Variants in PCMTD1 observed in about 807,000 individuals in gnomAD.
PCMTD1 encodes protein-L-isoaspartate (D-aspartate) O-methyltransferase domain containing 1.
PCMTD1 carries 12 observed loss-of-function variants against 37.6 expected under a neutral mutation model. That is an observed-to-expected ratio of 0.32 (90% CI 0.20 to 0.52). PCMTD1 has a LOEUF of 0.52. PCMTD1 is among the 20% of genes least tolerant of loss of function. The pLI, the probability that PCMTD1 is intolerant of heterozygous loss-of-function variation, is 0.97. For missense variants in PCMTD1, 235 were observed against 421.3 expected (o/e 0.56, Z 3.87); for synonymous variants, 117 against 135.8 (o/e 0.86, Z 0.96).
At chr8:51,847,186 AAAT>A (rs758161964) in intron 2 of PCMTD1, among the ~76,000 whole-genome samples, 2 of 152,256 alleles carry the variant, frequency 1.3e-5, no homozygotes, top group African/African-American at 2.4e-5. Flanking sequence ...TTTATATTCA[AAAT>A]AATAAAGCAG....
chr8:51,825,992 G>T (rs1272046950), intron 5 of PCMTD1, among the ~76,000 whole-genome samples: 1 of 152,122 alleles, frequency 6.6e-6, no homozygotes, highest in African/African-American at 2.4e-5. Flanking sequence ...AATAACATTT[G>T]ACCCAGCAAT....
Position 51,852,174 on chromosome 8 carries a change from G to A in PCMTD1, c.308-6411C>T, listed in dbSNP as rs118148950. On this transcript the variant is annotated intron_variant, in intron 2 of 5. Transcript: ENST00000522514. ...CAGAAGCATCATGCACAATTTCAAG[G>A]GTAGGAGATGTGTCTTGAACACTTC... Among the ~76,000 whole-genome samples the A allele has an allele frequency of 2.0e-5, 3 of 152,230 alleles. No homozygotes were observed. The East Asian group carries it at 5.8e-4, about 29-fold the overall frequency.
intron 1 of PCMTD1, among the ~76,000 whole-genome samples, chr8:51,886,360 TTTAA>T (rs1447114052): frequency 6.6e-6 from 1 of 152,230 alleles, no homozygotes; most frequent in Non-Finnish European, 1.5e-5. Flanking sequence ...CCAGCTACTC[TTTAA>T]TTACTCCCAT....
chr8:51,817,803 T>C lies in PCMTD1; in HGVS notation c.*2548A>G, dbSNP rs1173584046. On this transcript the variant is annotated 3_prime_UTR_variant, in exon 6 of 6. Transcript: ENST00000522514. ...TATAGATTTAAATTATCTTCTTGGG[T>C]TGGTCTGAGGTTGCTGATGGATTCT... 1 of 456,236 alleles carries C rather than the reference T, an allele frequency of 2.2e-6. No individual in the cohort carries two copies. The highest frequency in any genetic ancestry group is 2.4e-5 in the Admixed American group (1 of 42,528). 28.3% of individuals were successfully genotyped at this position (456,236 alleles called of 1,614,324 possible). A position where few individuals can be genotyped will look rare whatever the true frequency, so the allele number is the denominator to read the frequency against.
intron 1 of PCMTD1, among the ~76,000 whole-genome samples, chr8:51,898,376 C>T (rs1304310470): frequency 5.3e-5 from 8 of 152,140 alleles, no homozygotes; most frequent in Non-Finnish European, 8.8e-5. Flanking sequence ...CGCTCAAAAA[C>T]ACAAAAAGAG....
chr8:51,817,602 T>C lies in PCMTD1; in HGVS notation c.*2749A>G, dbSNP rs2037776575. 4.9e-6 allele frequency: 1 copy of C among 202,418 alleles called. No homozygotes were observed. The highest frequency in any genetic ancestry group is 5.8e-5 in the Admixed American group (1 of 17,238). 12.5% of individuals were successfully genotyped at this position (202,418 alleles called of 1,614,324 possible). A position where few individuals can be genotyped will look rare whatever the true frequency, so the allele number is the denominator to read the frequency against. On this transcript the variant is annotated 3_prime_UTR_variant, in exon 6 of 6. Coordinates refer to ENST00000522514, the MANE Select transcript of PCMTD1 (RefSeq NM_052937.4). Reference sequence around the variant, plus strand: ...AAATGCTTAATTACATGTAATTGTTTATTTAAAATAATTTTCCAAGTCTTC... The same window carrying C: ...AAATGCTTAATTACATGTAATTGTTCATTTAAAATAATTTTCCAAGTCTTC...
chr8:51,874,842 AG>A (rs1349650357), intron 1 of PCMTD1, among the ~76,000 whole-genome samples: 1 of 152,190 alleles, frequency 6.6e-6, no homozygotes, highest in Non-Finnish European at 1.5e-5. Context: ...TTTATGCCTC[AG>A]GAACTATAAT....
intron 1 of PCMTD1, among the ~76,000 whole-genome samples, chr8:51,890,744 A>G (rs549076007): frequency 6.6e-6 from 1 of 152,236 alleles, no homozygotes; most frequent in South Asian, 2.1e-4. Context: ...GCTTGGCAGT[A>G]TAAATGTAGA....
intron 1 of PCMTD1, among the ~76,000 whole-genome samples, chr8:51,881,450 C>T (rs532007237): frequency 6.6e-6 from 1 of 152,256 alleles, no homozygotes; most frequent in East Asian, 1.9e-4. Context: ...GGTCATAAGA[C>T]AAAACGCCTC....
chr8:51,855,913 C>A (rs2038381481), intron 2 of PCMTD1, among the ~76,000 whole-genome samples: 1 of 152,054 alleles, frequency 6.6e-6, no homozygotes, highest in Admixed American at 6.5e-5. Context: ...TGTGATCCAC[C>A]CGCCTTGGCC....
chr8:51,834,682 T>G (rs2038042904), intron 3 of PCMTD1, among the ~76,000 whole-genome samples: 1 of 152,108 alleles, frequency 6.6e-6, no homozygotes, highest in African/African-American at 2.4e-5. Context: ...ATCACAATCA[T>G]TTTTACTCTG....
Position 51,861,048 on chromosome 8 carries a change from G to A in PCMTD1, c.104C>T (p.Ala35Val), listed in dbSNP as rs748890802. Residue 35 changes from alanine to valine, a missense_variant, in exon 2 of 6, where the codon GCG becomes GTG. Transcript: ENST00000522514. ...CAAATAGTAATCTCCACGATCAATC[G>A]CTCTGAAGGCTTGCTCCACTCTTTC... ...RTERVEQAFR[A>V]IDRGDYYLEG... The A allele has an allele frequency of 6.2e-7, 1 of 1,613,940 alleles. No individual in the cohort carries two copies. Among genetic ancestry groups the A allele is most frequent in the Admixed American group, 1.7e-5 (1 of 60,010 alleles).
intron 1 of PCMTD1, among the ~76,000 whole-genome samples, chr8:51,875,689 G>T (rs937395445): frequency 2.6e-5 from 4 of 152,180 alleles, no homozygotes; most frequent in Non-Finnish European, 5.9e-5. Context: ...TATAATCTCA[G>T]CACTCTGGGA....
intron 2 of PCMTD1, among the ~76,000 whole-genome samples, chr8:51,848,317 G>A (rs75486843): frequency 4.9e-5 from 7 of 143,824 alleles, no homozygotes; most frequent in Non-Finnish European, 9.2e-5. Flanking sequence ...GAGAGAGAGA[G>A]AAAAAAAATC....
chr8:51,863,698 G>A (rs571144290), intron 1 of PCMTD1, among the ~76,000 whole-genome samples: 1 of 152,322 alleles, frequency 6.6e-6, no homozygotes, highest in Non-Finnish European at 1.5e-5. Context: ...GAGGCGGGCA[G>A]ATCACTTGAA....
intron 1 of PCMTD1, among the ~76,000 whole-genome samples, chr8:51,895,244 T>C (rs866419953): frequency 6.6e-6 from 1 of 152,234 alleles, no homozygotes; most frequent in African/African-American, 2.4e-5. Context: ...AGATGCCAGT[T>C]TGTGAAAGTC....
At chr8:51,858,920 T>C (rs754676711) in intron 2 of PCMTD1, among the ~76,000 whole-genome samples, 7 of 152,192 alleles carry the variant, frequency 4.6e-5, no homozygotes, top group Non-Finnish European at 8.8e-5. Context: ...ATTAAGACAT[T>C]CATGATACAA....
intron 1 of PCMTD1, among the ~76,000 whole-genome samples, chr8:51,895,334 G>A (rs1252087115): frequency 6.6e-6 from 1 of 152,128 alleles, no homozygotes; most frequent in African/African-American, 2.4e-5. Flanking sequence ...AAACTGAACT[G>A]ACTTCATCAA....
At chr8:51,895,458 A>G (rs2038986635) in intron 1 of PCMTD1, among the ~76,000 whole-genome samples, 1 of 152,202 alleles carries the variant, frequency 6.6e-6, no homozygotes, top group Admixed American at 6.5e-5. Context: ...CTCCAAGAAT[A>G]TTTTAAGCTC....
Sources: gnomAD v4.1 joint callset for allele counts (sites outside exome capture counted in the v4.1 genomes callset) on GRCh38, gnomAD v4.1.1 for gene constraint, MANE v1.5 for transcripts, NCBI Gene and HGNC (gene_info 2026-07-23, HGNC 2026-07-21) for gene names.